Variants in SNORC observed in about 807,000 individuals in gnomAD.
The protein encoded by SNORC is protein SNORC.
In SNORC, 11 loss-of-function variants were observed where a neutral mutation model predicts 9.7. That is an observed-to-expected ratio of 1.14 (90% confidence interval 0.72 to 1.88). The LOEUF (loss-of-function observed/expected upper bound fraction) is 1.88. Ranked by LOEUF, SNORC falls within the 40% of genes most tolerant of loss-of-function variation. SNORC has a pLI of 0.00. For missense variants in SNORC, 197 were observed against 173.1 expected, an observed-to-expected ratio of 1.14 and a Z score of -0.77; for synonymous variants, 108 against 88.7, an observed-to-expected ratio of 1.22 and a Z score of -1.22.
Position 232,876,088 on chromosome 2 carries a change from C to G in SNORC, c.222C>G (p.Asp74Glu). 6.6e-7 allele frequency: 1 copy of G among 1,523,092 alleles called. No homozygotes were observed. Among genetic ancestry groups the G allele is most frequent in the East Asian group, 2.6e-5 (1 of 39,002 alleles). The allele number at this position is 1,523,092 out of a possible 1,614,324, so 94.3% of individuals were successfully genotyped here. A position where few individuals can be genotyped will look rare whatever the true frequency, so the allele number is the denominator to read the frequency against. ...CCACCGTCGCGCCAGGACCCGAGGA[C>G]AGCACCGCGCAGGAGCGGCTGGACC... Residue 74 changes from aspartate to glutamate, a missense_variant, in exon 2 of 3, where the codon GAC becomes GAG. Coordinates refer to ENST00000331342, the Ensembl canonical transcript of SNORC. The surrounding 1 kb of genome is among the most constrained non-coding windows in gnomAD (Gnocchi z 6.8).
chr2:232,872,471 G>A (rs1007745553), intron 1 of SNORC, among the ~76,000 whole-genome samples: 1 of 152,214 alleles, frequency 6.6e-6, no homozygotes, highest in Non-Finnish European at 1.5e-5. Context: ...GGCTGGGAGA[G>A]AGCCCGTGGT....
Position 232,876,065 on chromosome 2 carries a change from A to AC in SNORC, c.201dup (p.Val68ArgfsTer?). 1 of 1,531,568 alleles carries AC rather than the reference A, an allele frequency of 6.5e-7. No individual in the cohort carries two copies. Among genetic ancestry groups the AC allele is most frequent in the Non-Finnish European group, 8.7e-7 (1 of 1,143,748 alleles). 94.9% of individuals were successfully genotyped at this position (1,531,568 alleles called of 1,614,324 possible). On this transcript the variant is annotated frameshift_variant, in exon 2 of 3. Transcript: ENST00000331342. LOFTEE classifies it high-confidence loss of function. This position sits in a 1 kb window ranked among gnomAD's most constrained non-coding sequence, Gnocchi z 6.8. ...CGTGGACACCGGTCCCCCAGCCCCC[A>AC]CCGTCGCGCCAGGACCCGAGGACAG...
At chr2:232,875,941 C>A (rs867454555) in exon 2 of SNORC, 1 of 1,550,516 alleles carries the variant, frequency 6.4e-7, no homozygotes, top group African/African-American at 1.4e-5. Context: ...GCTTTGCAGA[C>A]GATGTTCCAC....
chr2:232,876,415 T>G, downstream of SNORC: 1 of 1,467,016 alleles, frequency 6.8e-7, no homozygotes. This position sits in a 1 kb window ranked among gnomAD's most constrained non-coding sequence, Gnocchi z 6.8. Flanking sequence ...CTCACGCGCC[T>G]GTATGTCCGC....
upstream of SNORC, chr2:232,869,908 C>G (rs78808544): frequency 0.018 from 5,142 of 284,218 alleles, 266 homozygotes; most frequent in African/African-American, 0.11. Context: ...CATGCAGATT[C>G]CCTGGGCTAC....
At chr2:232,870,398 C>A (rs138245588) in exon 1 of SNORC, 16 of 1,570,836 alleles carry the variant, frequency 1.0e-5, no homozygotes, top group Non-Finnish European at 1.3e-5. Flanking sequence ...GGGTTCTGGC[C>A]CCTGCGGTGC....
chr2:232,875,771 C>A (rs1167667090), intron 1 of SNORC, 169 bp from the exon 2 acceptor site: 2 of 721,778 alleles, frequency 2.8e-6, no homozygotes, highest in Non-Finnish European at 4.4e-6. Context: ...TGGGAGGCAG[C>A]AACGCACTGG....
At chr2:232,868,303 G>T (rs1269358297), upstream of SNORC, among the ~76,000 whole-genome samples, 1 of 151,990 alleles carries the variant, frequency 6.6e-6, no homozygotes, top group Non-Finnish European at 1.5e-5. Context: ...CGCCATGTTG[G>T]TCAGGCTGGT....
chr2:232,871,323 C>T lies in SNORC; in HGVS notation c.73+909C>T, dbSNP rs560409989. ...AGGTCTGGGTGACAGCGAGGAGCACCGGAGACTATTGGCTTCTCCCTGGAC... is the reference window on the plus strand; with the variant it reads ...AGGTCTGGGTGACAGCGAGGAGCACTGGAGACTATTGGCTTCTCCCTGGAC... On this transcript the variant is annotated intron_variant, in intron 1 of 2. Coordinates refer to ENST00000331342, the Ensembl canonical transcript of SNORC. Among the ~76,000 whole-genome samples the T allele has an allele frequency of 2.0e-4, 30 of 152,240 alleles. No individual in the cohort carries two copies. In the East Asian group the frequency reaches 2.3e-3, roughly 12 times the overall value.
At chr2:232,874,586 G>T (rs1393408101) in intron 1 of SNORC, among the ~76,000 whole-genome samples, 1 of 152,210 alleles carries the variant, frequency 6.6e-6, no homozygotes, top group Non-Finnish European at 1.5e-5. Flanking sequence ...TGCGTGGTTT[G>T]CCCTAGATGG....
rs1193040775 is a variant in SNORC at position 232,876,371 on chromosome 2, C to A, written c.*15C>A. The A allele has an allele frequency of 6.6e-6, 10 of 1,515,892 alleles. No individual in the cohort carries two copies. In the Admixed American group the frequency reaches 8.4e-5, roughly 13 times the overall value. The allele number at this position is 1,515,892 out of a possible 1,614,324, so 93.9% of individuals were successfully genotyped here. ...CTGCCTCCTGAAGCGAATAAAGGGGCCGCGCCCGGCCGCGGCGCGACTCGG... is the reference window on the plus strand; with the variant it reads ...CTGCCTCCTGAAGCGAATAAAGGGGACGCGCCCGGCCGCGGCGCGACTCGG... On this transcript the variant is annotated 3_prime_UTR_variant, in exon 3 of 3. Coordinates refer to ENST00000331342, the Ensembl canonical transcript of SNORC. The surrounding 1 kb of genome is among the most constrained non-coding windows in gnomAD (Gnocchi z 6.8).
At chr2:232,878,183 C>G (rs967345680), downstream of SNORC, 5 of 152,358 alleles carry the variant, frequency 3.3e-5, no homozygotes, top group African/African-American at 1.2e-4. Context: ...AAACCAGAGG[C>G]CTGTTCTGGC....
Position 232,876,285 on chromosome 2 carries a change from G to C in SNORC, c.295G>C (p.Ala99Pro). The C allele has an allele frequency of 1.3e-6, 2 of 1,533,922 alleles. No homozygotes were observed. Among genetic ancestry groups the C allele is most frequent in the South Asian group, 2.4e-5 (2 of 83,342 alleles). ...CGGCGCTATCGCGGCCATCGTGATCGCCGCCCTGCTGGCCACCTGCGTGGT... is the reference window on the plus strand; with the variant it reads ...CGGCGCTATCGCGGCCATCGTGATCCCCGCCCTGCTGGCCACCTGCGTGGT... The change falls in exon 3 of 3, where the codon GCC becomes CCC. Residue 99 changes from alanine to proline, a missense_variant. Physicochemically the swap from Ala to Pro is conservative, Grantham distance 27. Coordinates refer to ENST00000331342, the Ensembl canonical transcript of SNORC. This position sits in a 1 kb window ranked among gnomAD's most constrained non-coding sequence, Gnocchi z 6.8.
intron 1 of SNORC, among the ~76,000 whole-genome samples, chr2:232,870,660 C>A (rs1690993984): frequency 6.6e-6 from 1 of 152,090 alleles, no homozygotes. Flanking sequence ...ACTTGGGGGG[C>A]AGGCCCAGGG....
At chr2:232,870,110 C>T (rs13383733), upstream of SNORC, among the ~76,000 whole-genome samples, 25,052 of 131,396 alleles carry the variant, frequency 0.19, 2,596 homozygotes, top group Middle Eastern at 0.24. Context: ...TCTCCAAGAG[C>T]GGGGCTGCTC....
chr2:232,876,661 G>A (rs886414794), downstream of SNORC: 9 of 1,012,138 alleles, frequency 8.9e-6, no homozygotes, highest in Non-Finnish European at 1.1e-5. This position sits in a 1 kb window ranked among gnomAD's most constrained non-coding sequence, Gnocchi z 6.8. Flanking sequence ...GCGTCCCCGT[G>A]CACCACGGCT....
At chr2:232,873,415 G>T (rs989333701) in intron 1 of SNORC, among the ~76,000 whole-genome samples, 1 of 152,134 alleles carries the variant, frequency 6.6e-6, no homozygotes, top group African/African-American at 2.4e-5. Context: ...GCCCTGCTCA[G>T]AGGGTACCGT....
Position 232,876,282 on chromosome 2 carries a change from A to G in SNORC, c.292A>G (p.Ile98Val). The change falls in exon 3 of 3, where the codon ATC becomes GTC. Residue 98 changes from isoleucine (I) to valine (V), a missense_variant. Coordinates refer to ENST00000331342, the Ensembl canonical transcript of SNORC. The surrounding 1 kb of genome is among the most constrained non-coding windows in gnomAD (Gnocchi z 6.8). The stretch of plus-strand genomic sequence containing the variant: ...GCCCGGCGCTATCGCGGCCATCGTG[A>G]TCGCCGCCCTGCTGGCCACCTGCGT... The G allele has an allele frequency of 6.5e-7, 1 of 1,528,126 alleles. No homozygotes were observed. 94.7% of individuals were successfully genotyped at this position (1,528,126 alleles called of 1,614,324 possible).
chr2:232,874,647 C>T (rs983910565), intron 1 of SNORC, among the ~76,000 whole-genome samples: 15 of 152,254 alleles, frequency 9.9e-5, no homozygotes, highest in African/African-American at 3.6e-4. Flanking sequence ...TCTCGAGCAT[C>T]CGCCTCTCTG....
Sources: allele counts gnomAD v4.1 joint callset (sites outside exome capture counted in the v4.1 genomes callset), GRCh38; gene constraint gnomAD v4.1.1; non-coding constraint Gnocchi (gnomAD v3.1); transcripts MANE v1.5; gene names NCBI Gene and HGNC (gene_info 2026-07-23, HGNC 2026-07-21).